Variants in MYH11 observed in about 807,000 individuals in gnomAD.
The protein encoded by MYH11 is myosin-11.
In MYH11, 80 loss-of-function variants were observed where a neutral mutation model predicts 246.6. That is an observed-to-expected ratio of 0.32 (90% CI 0.27 to 0.39). MYH11 has a LOEUF of 0.39. MYH11 is among the 10% of genes least tolerant of loss of function. MYH11 has a pLI of 1.00. For synonymous variants in MYH11, 1,071 were observed against 1,015.5 expected, an observed-to-expected ratio of 1.05 and a Z score of -1.04; for missense variants, 2,158 against 2,546.8, an observed-to-expected ratio of 0.85 and a Z score of 3.29.
intron 10 of MYH11, among the ~76,000 whole-genome samples, chr16:15,761,085 G>T (rs1428723492): frequency 6.6e-6 from 1 of 152,098 alleles, no homozygotes; most frequent in Admixed American, 6.5e-5. Flanking sequence ...GAGATAGATA[G>T]ATTTATTTAT....
At chr16:15,810,502 C>T (rs997226945) in intron 3 of MYH11, among the ~76,000 whole-genome samples, 2 of 152,194 alleles carry the variant, frequency 1.3e-5, no homozygotes, top group African/African-American at 2.4e-5. Flanking sequence ...ACTGAGCCAG[C>T]CAGACAGAGC....
intron 6 of MYH11, 127 bp from the exon 7 acceptor site, chr16:15,778,970 T>A: frequency 1.1e-6 from 1 of 903,876 alleles, no homozygotes; most frequent in Non-Finnish European, 1.8e-6. Context: ...TTGCGAACAC[T>A]CAGAACCCCA....
intron 12 of MYH11, among the ~76,000 whole-genome samples, chr16:15,759,035 G>A (rs2151276245): frequency 6.6e-6 from 1 of 151,850 alleles, no homozygotes; most frequent in South Asian, 2.1e-4. Flanking sequence ...AAACCCATGG[G>A]TAAAGGATCC....
intron 3 of MYH11, among the ~76,000 whole-genome samples, chr16:15,822,922 G>A (rs1172889968): frequency 6.6e-6 from 1 of 152,250 alleles, no homozygotes; most frequent in Non-Finnish European, 1.5e-5. Context: ...ACAGGTAGGT[G>A]TCAACACAGA....
intron 40 of MYH11, chr16:15,714,677 C>T (rs1467024402): frequency 6.6e-6 from 4 of 608,338 alleles, no homozygotes; most frequent in Admixed American, 2.9e-5. Flanking sequence ...GGGAGACGGT[C>T]GATCGTTAAA....
At chr16:15,726,709 CCT>C in intron 28 of MYH11, 137 bp downstream of exon 28, 2 of 985,396 alleles carry the variant, frequency 2.0e-6, no homozygotes, top group Non-Finnish European at 3.1e-6. Flanking sequence ...GAGATCATCG[CCT>C]CTCCTCCAGG....
At chr16:15,787,366 C>T (rs2042495061) in intron 4 of MYH11, among the ~76,000 whole-genome samples, 1 of 152,012 alleles carries the variant, frequency 6.6e-6, no homozygotes, top group Non-Finnish European at 1.5e-5. Flanking sequence ...CATGATCACA[C>T]CACTGCACTC....
At position 15,737,942 on chromosome 16, in the gene MYH11, G is replaced by A. The variant is rs559367543; in HGVS notation, c.3122-322C>T. Among the ~76,000 whole-genome samples, 138 of 152,100 alleles carry A rather than the reference G, an allele frequency of 9.1e-4. 1 individual carries two copies. The Middle Eastern group carries it at 0.014, about 15-fold the overall frequency. On this transcript the variant is annotated intron_variant, in intron 24 of 40. Coordinates refer to ENST00000300036, the MANE Select transcript of MYH11 (RefSeq NM_002474.3). ...CGAGTAGCTGGGATTACAGGCGCCC[G>A]CCACCACGCCTGGCTAATTTTTGTA...
At position 15,755,204 on chromosome 16, in the gene MYH11, T is replaced by C. The variant is rs1250520003; in HGVS notation, c.1749+1137A>G. Among the ~76,000 whole-genome samples the C allele has an allele frequency of 2.0e-5, 3 of 152,314 alleles. No homozygotes were observed. In the East Asian group the frequency reaches 5.8e-4, roughly 29 times the overall value. ...TGAGGAGTCAATAGAATACTACAAT[T>C]CTGCAAGCCAGACTAAGCTATGTCC... On this transcript the variant is annotated intron_variant, in intron 14 of 40. Transcript: ENST00000300036.
intron 40 of MYH11, among the ~76,000 whole-genome samples, chr16:15,708,359 C>T (rs1453266594): frequency 3.3e-5 from 5 of 152,198 alleles, no homozygotes; most frequent in East Asian, 1.9e-4. Flanking sequence ...AAGCCAAGTA[C>T]GTTCTCCAGG....
Position 15,732,428 on chromosome 16 carries a change from T to C in MYH11, c.3651+136A>G, listed in dbSNP as rs1354199874. The C allele has an allele frequency of 1.2e-5, 16 of 1,317,132 alleles. No individual in the cohort carries two copies. In the Admixed American group the frequency reaches 2.4e-4, roughly 20 times the overall value. 81.6% of individuals were successfully genotyped at this position (1,317,132 alleles called of 1,614,324 possible). ...ATGGGAAGCATTTTGTAAATAAATATAAGCTGCTATCATCATCATTAGAAT... is the reference window on the plus strand; with the variant it reads ...ATGGGAAGCATTTTGTAAATAAATACAAGCTGCTATCATCATCATTAGAAT... On this transcript the variant is annotated intron_variant, in intron 27 of 40. Coordinates refer to ENST00000300036, the MANE Select transcript of MYH11 (RefSeq NM_002474.3).
chr16:15,802,870 G>T (rs988917757), intron 3 of MYH11, among the ~76,000 whole-genome samples: 1 of 152,152 alleles, frequency 6.6e-6, no homozygotes, highest in Non-Finnish European at 1.5e-5. Context: ...GAGAAAGGAG[G>T]CCGGGCGTGG....
rs1431987054 is a variant in MYH11 at position 15,718,297 on chromosome 16, T to C, written c.5295+18A>G. 3 of 1,607,600 alleles carry C rather than the reference T, an allele frequency of 1.9e-6. No homozygotes were observed. The highest frequency in any genetic ancestry group is 2.5e-6 in the Non-Finnish European group (3 of 1,179,950). Reference sequence around the variant, plus strand: ...GAGACAGTAGGCAGCGTGACTGTGGTGTCCAGGCGGCCCTCACCTGCTGTG... The same window carrying C: ...GAGACAGTAGGCAGCGTGACTGTGGCGTCCAGGCGGCCCTCACCTGCTGTG... On this transcript the variant is annotated intron_variant, in intron 37 of 40. Transcript: ENST00000300036.
intron 13 of MYH11, 44 bp from the exon 14 acceptor site, chr16:15,756,558 C>T: frequency 6.2e-7 from 1 of 1,607,890 alleles, no homozygotes; most frequent in Non-Finnish European, 8.5e-7. Flanking sequence ...AACACCCAAC[C>T]TCAGGCATTC....
intron 12 of MYH11, among the ~76,000 whole-genome samples, 157 bp from the exon 13 acceptor site, chr16:15,758,157 C>G (rs1190270003): frequency 2.6e-5 from 4 of 152,168 alleles, no homozygotes; most frequent in African/African-American, 9.7e-5. Flanking sequence ...CCAAAACATG[C>G]TGCCTAGAGT....
At chr16:15,717,438 C>G (rs539739792) in intron 37 of MYH11, 90 bp from the exon 38 acceptor site, 263 of 1,359,176 alleles carry the variant, frequency 1.9e-4, no homozygotes, top group Non-Finnish European at 2.5e-4. Flanking sequence ...TGTTTGGCCT[C>G]TGCACGAGTC....
At chr16:15,723,985 C>T (rs541918512) in intron 31 of MYH11, among the ~76,000 whole-genome samples, 176 bp downstream of exon 31, 3 of 152,282 alleles carry the variant, frequency 2.0e-5, no homozygotes, top group African/African-American at 7.2e-5. Context: ...CTTACTGTGA[C>T]CTGGTAGCGT....
intron 1 of MYH11, among the ~76,000 whole-genome samples, chr16:15,839,638 G>C (rs2044000248): frequency 6.6e-6 from 1 of 151,826 alleles, no homozygotes; most frequent in Non-Finnish European, 1.5e-5. Flanking sequence ...AGGTTGCAGT[G>C]AGCTGAGATC....
At chr16:15,719,416 G>A in intron 35 of MYH11, 108 bp from the exon 36 acceptor site, 2 of 1,472,950 alleles carry the variant, frequency 1.4e-6, no homozygotes, top group Non-Finnish European at 1.9e-6. Context: ...CTTCCTCTGA[G>A]CTCAGGGGAG....
Sources: allele counts gnomAD v4.1 joint callset (sites outside exome capture counted in the v4.1 genomes callset), GRCh38; gene constraint gnomAD v4.1.1; transcripts MANE v1.5; gene names NCBI Gene and HGNC (gene_info 2026-07-23, HGNC 2026-07-21).